CALB2: variants seen among roughly 807,000 people sequenced by gnomAD.
The protein encoded by CALB2 is calbindin 2, also known as calretinin.
Under a neutral mutation model 45.9 loss-of-function variants are expected in CALB2, and 34 were observed. That is an observed-to-expected ratio of 0.74 (90% CI 0.56 to 0.99). The LOEUF is 0.99. Ranked by LOEUF, CALB2 falls within the 50% of genes least tolerant of loss-of-function variation. The probability of loss-of-function intolerance (pLI) is 0.00; values close to 1 mark genes in which losing one functional copy is unlikely to be tolerated. For missense variants in CALB2, 344 were observed against 339.3 expected (o/e 1.01, Z -0.11); for synonymous variants, 142 against 129.6 (o/e 1.10, Z -0.65).
At position 71,380,292 on chromosome 16, in the gene CALB2, C is replaced by CTTTTT. The variant is rs544138378; in HGVS notation, c.343-2396_343-2392dup. On this transcript the variant is annotated intron_variant, in intron 4 of 10. Coordinates refer to ENST00000302628, the MANE Select transcript of CALB2 (RefSeq NM_001740.5). ...CTTTCTTTCTTCTTTCCTTCCTTTT[C>CTTTTT]TTTTTTTTTTTTTTTTTTTTTTTTT... 6.5e-3 allele frequency among the ~76,000 whole-genome samples: 286 copies of CTTTTT among 43,790 alleles called. 5 individuals carry two copies. Among genetic ancestry groups the CTTTTT allele is most frequent in the East Asian group, 0.014 (12 of 844 alleles). The allele number at this position is 43,790 out of a possible 152,430, so 28.7% of individuals were successfully genotyped here. A position where few individuals can be genotyped will look rare whatever the true frequency, so the allele number is the denominator to read the frequency against.
intron 1 of CALB2, among the ~76,000 whole-genome samples, chr16:71,371,446 C>G (rs2042349771): frequency 6.6e-6 from 1 of 152,176 alleles, no homozygotes; most frequent in African/African-American, 2.4e-5. Context: ...TTTCTAGAGG[C>G]TAGAAGTGTG....
At chr16:71,379,089 C>T (rs892503518) in intron 4 of CALB2, among the ~76,000 whole-genome samples, 1 of 152,080 alleles carries the variant, frequency 6.6e-6, no homozygotes, top group Non-Finnish European at 1.5e-5. Context: ...CCAGCCTGGG[C>T]AACATGGAAA....
chr16:71,375,595 C>G (rs2042401666), intron 3 of CALB2, among the ~76,000 whole-genome samples: 1 of 152,178 alleles, frequency 6.6e-6, no homozygotes, highest in Admixed American at 6.5e-5. Context: ...CATTAGGGCA[C>G]AGCTCCACCC....
intron 1 of CALB2, among the ~76,000 whole-genome samples, chr16:71,365,322 G>C (rs79157056): frequency 6.6e-6 from 1 of 152,248 alleles, no homozygotes; most frequent in East Asian, 1.9e-4. Context: ...CTAATCTATG[G>C]ACTGCGAGTG....
In CALB2 at chr16:71,375,721, A is replaced by G. The variant is rs2042403242; in HGVS notation, c.261+887A>G. On this transcript the variant is annotated intron_variant, in intron 3 of 10. Coordinates refer to ENST00000302628, the MANE Select transcript of CALB2 (RefSeq NM_001740.5). ...AGGGCAGCAGGAAAAGGCAGGGGAT[A>G]GTGCTGTGCAAGGATGCGGTCTCAA... Among the ~76,000 whole-genome samples the G allele has an allele frequency of 2.0e-5, 3 of 152,216 alleles. No individual in the cohort carries two copies. In the South Asian group the frequency reaches 6.2e-4, roughly 32 times the overall value.
chr16:71,385,523 G>A, intron 9 of CALB2, 54 bp from the exon 10 acceptor site: 1 of 1,545,636 alleles, frequency 6.5e-7, no homozygotes, highest in Non-Finnish European at 8.9e-7. Context: ...AATGGGTCGG[G>A]ACAGCAGGGG....
chr16:71,383,227 AG>A, intron 5 of CALB2, 139 bp from the exon 6 acceptor site: 1 of 787,072 alleles, frequency 1.3e-6, no homozygotes, highest in African/African-American at 1.7e-5. Flanking sequence ...AGGAATTATG[AG>A]GGCCCTGAGT....
intron 3 of CALB2, among the ~76,000 whole-genome samples, chr16:71,375,323 C>T (rs555958711): frequency 6.6e-5 from 10 of 152,244 alleles, no homozygotes; most frequent in Admixed American, 2.0e-4. Context: ...TATATGCACA[C>T]GTATATACAC....
At chr16:71,385,705 G>A in intron 10 of CALB2, 57 bp downstream of exon 10, 1 of 1,445,590 alleles carries the variant, frequency 6.9e-7, no homozygotes, top group Non-Finnish European at 9.7e-7. Context: ...AGAGGCTTCT[G>A]CAGGAGAGGA....
intron 10 of CALB2, chr16:71,389,505 G>A (rs1948438064): frequency 1.5e-6 from 1 of 670,724 alleles, no homozygotes; most frequent in Admixed American, 1.9e-5. Flanking sequence ...TTTTACAGGT[G>A]AGGCAGCTGA....
At chr16:71,364,249 T>C (rs974564693) in intron 1 of CALB2, among the ~76,000 whole-genome samples, 75 of 151,546 alleles carry the variant, frequency 4.9e-4, no homozygotes, top group African/African-American at 1.7e-3. Context: ...AAGGGACCCG[T>C]TTCACAAACA....
Position 71,389,944 on chromosome 16 carries a change from C to T in CALB2, c.*79C>T. 1.1e-6 allele frequency: 1 copy of T among 913,808 alleles called. No homozygotes were observed. Among genetic ancestry groups the T allele is most frequent in the Non-Finnish European group, 1.8e-6 (1 of 562,264 alleles). 56.6% of individuals were successfully genotyped at this position (913,808 alleles called of 1,614,324 possible). On this transcript the variant is annotated 3_prime_UTR_variant, in exon 11 of 11. Transcript: ENST00000302628. ...TGATGCGTCTACCCAGACTCAGAGA[C>T]CGTGAGCGCCCCGCCCCCACCCCTA...
chr16:71,371,691 C>A (rs575616409), intron 1 of CALB2, among the ~76,000 whole-genome samples: 2 of 152,280 alleles, frequency 1.3e-5, no homozygotes, highest in East Asian at 3.9e-4. Context: ...TCCAGTATGA[C>A]TCATCTTAAC....
rs1320503982 is a variant in CALB2, at chr16:71,390,029, G to C, written c.*164G>C. 6.6e-6 allele frequency: 4 copies of C among 603,324 alleles called. No individual in the cohort carries two copies. The highest frequency in any genetic ancestry group is 1.2e-5 in the Non-Finnish European group (4 of 337,568). 37.4% of individuals were successfully genotyped at this position (603,324 alleles called of 1,614,324 possible). On this transcript the variant is annotated 3_prime_UTR_variant, in exon 11 of 11. Coordinates refer to ENST00000302628, the MANE Select transcript of CALB2 (RefSeq NM_001740.5). ...GAGAGATAGAGGATGGGCAGCTGGG[G>C]GGCTGTCCTGAGCCCCCTGCACCCA...
intron 1 of CALB2, among the ~76,000 whole-genome samples, chr16:71,371,244 G>A (rs2042346695): frequency 6.6e-6 from 1 of 152,102 alleles, no homozygotes; most frequent in East Asian, 1.9e-4. Context: ...ATTACCAGGT[G>A]GGATGCCTCT....
chr16:71,382,799 G>A (rs759212504), intron 5 of CALB2, 24 bp downstream of exon 5: 5 of 1,597,338 alleles, frequency 3.1e-6, no homozygotes, highest in Non-Finnish European at 4.3e-6. Context: ...TGGGGAGGGT[G>A]TGAGGCCAGA....
In CALB2 at chr16:71,384,728, C is replaced by T. The variant is rs1598176185; in HGVS notation, c.574-55C>T. On this transcript the variant is annotated intron_variant, in intron 8 of 10. Transcript: ENST00000302628. Reference sequence around the variant, plus strand: ...TAAACACACACACACAAACGCACACCCACACACACACCACTGCGCTTCTGC... The same window carrying T: ...TAAACACACACACACAAACGCACACTCACACACACACCACTGCGCTTCTGC... The T allele has an allele frequency of 1.4e-5, 13 of 930,072 alleles. No individual in the cohort carries two copies. In the South Asian group the frequency reaches 1.9e-4, roughly 14 times the overall value. The allele number at this position is 930,072 out of a possible 1,614,324, so 57.6% of individuals were successfully genotyped here. A position where few individuals can be genotyped will look rare whatever the true frequency, so the allele number is the denominator to read the frequency against.
In CALB2 at chr16:71,389,969, A is replaced by T; in HGVS notation, c.*104A>T. ...CCGTGAGCGCCCCGCCCCCACCCCT[A>T]CAGCCTGCACACACCTGCCTGCAGA... On this transcript the variant is annotated 3_prime_UTR_variant, in exon 11 of 11. Transcript: ENST00000302628. The T allele has an allele frequency of 1.4e-6, 1 of 719,424 alleles. No individual in the cohort carries two copies. The highest frequency in any genetic ancestry group is 2.5e-6 in the Non-Finnish European group (1 of 406,230). The allele number at this position is 719,424 out of a possible 1,614,324, so 44.6% of individuals were successfully genotyped here.
At position 71,385,607 on chromosome 16, in the gene CALB2, C is replaced by G. The variant is rs746127272; in HGVS notation, c.658C>G (p.Leu220Val). The change falls in exon 10 of 11, where the codon CTG (leucine) becomes GTG (valine). Residue 220 changes from leucine to valine, a missense_variant. This residue lies in a region of CALB2 where 263 missense variants were observed against 241.7 expected (regional missense o/e 1.09). Transcript: ENST00000302628. ...AAGCGGCTACATTGACGAGCATGAGCTGGATGCCCTTTTGAAGGATCTGTA... is the reference window on the plus strand; with the variant it reads ...AAGCGGCTACATTGACGAGCATGAGGTGGATGCCCTTTTGAAGGATCTGTA... ...DRSGYIDEHELDALLKDLYEK... is the reference protein window; with the variant it reads ...DRSGYIDEHEVDALLKDLYEK... 4 of 1,614,022 alleles carry G rather than the reference C, an allele frequency of 2.5e-6. No individual in the cohort carries two copies. In the Admixed American group the frequency reaches 5.0e-5, roughly 20 times the overall value.
Sources: gnomAD v4.1 joint callset for allele counts (sites outside exome capture counted in the v4.1 genomes callset) on GRCh38, gnomAD v4.1.1 for gene constraint, gnomAD v4.1.1 regional missense constraint, MANE v1.5 for transcripts, NCBI Gene and HGNC (gene_info 2026-07-23, HGNC 2026-07-21) for gene names.